TASP1: variants seen among roughly 807,000 people sequenced by gnomAD.
TASP1 encodes taspase 1.
In TASP1, 16 loss-of-function variants were observed where a neutral mutation model predicts 56.6. The observed-to-expected ratio is 0.28, with a 90% CI of 0.19 to 0.43. The LOEUF (loss-of-function observed/expected upper bound fraction) is 0.43. Among genes scored for constraint, TASP1 ranks in the 20% least tolerant of loss-of-function variants. TASP1 has a pLI of 1.00. For missense variants in TASP1, 393 were observed against 511.6 expected (o/e 0.77, Z 2.24); for synonymous variants, 179 against 184.2 (o/e 0.97, Z 0.23).
chr20:13,492,869 C>T (rs56257654), intron 10 of TASP1, among the ~76,000 whole-genome samples: 1 of 152,042 alleles, frequency 6.6e-6, no homozygotes, highest in African/African-American at 2.4e-5. Context: ...TTGATATATG[C>T]GTTAGCATTT....
chr20:13,245,743 T>G, the TASP1 span, among the ~76,000 whole-genome samples: 2 of 152,218 alleles, frequency 1.3e-5, no homozygotes, highest in Non-Finnish European at 2.9e-5. Context: ...ATACTTAGTT[T>G]CATCTTCTAA....
intron 11 of TASP1, among the ~76,000 whole-genome samples, chr20:13,461,728 A>G (rs1261290868): frequency 6.6e-6 from 1 of 152,202 alleles, no homozygotes; most frequent in Non-Finnish European, 1.5e-5. Context: ...CCTGCAGGCC[A>G]TAGTTTGCCA....
chr20:13,298,383 T>C, the TASP1 span, among the ~76,000 whole-genome samples: 1 of 152,228 alleles, frequency 6.6e-6, no homozygotes, highest in African/African-American at 2.4e-5. Context: ...CCCAAAGTGC[T>C]GGGATTACAG....
chr20:13,635,387 CTTT>C (rs34767488), intron 1 of TASP1, among the ~76,000 whole-genome samples: 5 of 129,262 alleles, frequency 3.9e-5, no homozygotes, highest in Admixed American at 7.9e-5. Context: ...TCAGCAATTT[CTTT>C]TTTTTTTTTT....
At chr20:13,121,608 C>A in the TASP1 span, among the ~76,000 whole-genome samples, 1 of 152,122 alleles carries the variant, frequency 6.6e-6, no homozygotes, top group African/African-American at 2.4e-5. Flanking sequence ...AAGACACGAC[C>A]CAGACTCGCC....
intron 12 of TASP1, among the ~76,000 whole-genome samples, chr20:13,431,711 G>A (rs1034964392): frequency 3.9e-5 from 6 of 152,204 alleles, no homozygotes; most frequent in African/African-American, 1.2e-4. Context: ...CAATACGGCA[G>A]TATTAAGATG....
At chr20:13,362,304 G>A in the TASP1 span, among the ~76,000 whole-genome samples, 2 of 151,882 alleles carry the variant, frequency 1.3e-5, no homozygotes, top group Non-Finnish European at 2.9e-5. Flanking sequence ...ATGCCCAGAT[G>A]GCCTGAAGTA....
chr20:13,139,333 T>G, the TASP1 span, among the ~76,000 whole-genome samples: 75,095 of 151,932 alleles, frequency 0.49, 18,688 homozygotes, highest in East Asian at 0.63. Flanking sequence ...ATTAGTTAAG[T>G]TATGTTACTT....
At chr20:13,376,984 T>G in the TASP1 span, among the ~76,000 whole-genome samples, 2 of 152,216 alleles carry the variant, frequency 1.3e-5, no homozygotes, top group African/African-American at 2.4e-5. Context: ...GCTGAGACAA[T>G]GGGGTTTTCT....
chr20:13,325,013 T>C, the TASP1 span, among the ~76,000 whole-genome samples: 1 of 152,226 alleles, frequency 6.6e-6, no homozygotes, highest in African/African-American at 2.4e-5. Context: ...TGCAGCTATT[T>C]CTCTATTGCT....
the TASP1 span, among the ~76,000 whole-genome samples, chr20:13,325,084 A>T: frequency 1.3e-5 from 2 of 152,186 alleles, no homozygotes; most frequent in African/African-American, 4.8e-5. Flanking sequence ...CCAACCAGGG[A>T]GCTCCTGGAT....
In TASP1 at chr20:13,525,782, A is replaced by G. The variant is rs75277840; in HGVS notation, c.874+2651T>C. Reference sequence around the variant, plus strand: ...AGCAACAGCCCCATGAGAAACAAGAATGAGGCAATCACACAAAGTCCAACG... The same window carrying G: ...AGCAACAGCCCCATGAGAAACAAGAGTGAGGCAATCACACAAAGTCCAACG... On this transcript the variant is annotated intron_variant, in intron 10 of 13. Coordinates refer to ENST00000337743, the MANE Select transcript of TASP1 (RefSeq NM_017714.3). Among the ~76,000 whole-genome samples, 1,194 of 152,272 alleles carry G rather than the reference A, an allele frequency of 7.8e-3. 19 individuals carry two copies. Among genetic ancestry groups the G allele is most frequent in the African/African-American group, 0.027 (1,133 of 41,568 alleles).
chr20:13,545,482 T>C (rs1354199691), intron 8 of TASP1, among the ~76,000 whole-genome samples: 8 of 152,166 alleles, frequency 5.3e-5, no homozygotes, highest in Admixed American at 5.2e-4. Flanking sequence ...AGCATGATAT[T>C]CAGGGGGACT....
chr20:13,342,466 A>C, the TASP1 span, among the ~76,000 whole-genome samples: 4 of 152,314 alleles, frequency 2.6e-5, no homozygotes, highest in East Asian at 7.7e-4. Context: ...GCGGCAGCAG[A>C]GACTGTGACA....
the TASP1 span, among the ~76,000 whole-genome samples, chr20:13,201,958 C>T: frequency 1.3e-5 from 2 of 151,932 alleles, no homozygotes; most frequent in African/African-American, 2.4e-5. Flanking sequence ...TTTCACCATG[C>T]TGGCCAGGCT....
chr20:13,343,057 C>T, the TASP1 span, among the ~76,000 whole-genome samples: 2 of 152,158 alleles, frequency 1.3e-5, no homozygotes, highest in Non-Finnish European at 2.9e-5. Flanking sequence ...GGCTCAGAGG[C>T]GGAAGGCTCC....
chr20:13,393,344 G>C (rs2041366387), intron 13 of TASP1: 2 of 754,360 alleles, frequency 2.7e-6, no homozygotes, highest in South Asian at 2.7e-5. Flanking sequence ...TCCCCGAGCT[G>C]AACAGGAAGC....
chr20:13,291,832 A>G, the TASP1 span, among the ~76,000 whole-genome samples: 1 of 152,166 alleles, frequency 6.6e-6, no homozygotes, highest in African/African-American at 2.4e-5. Flanking sequence ...ACCACCTAAC[A>G]CTTCCCACTT....
chr20:13,377,779 A>T, the TASP1 span, among the ~76,000 whole-genome samples: 1 of 152,068 alleles, frequency 6.6e-6, no homozygotes, highest in East Asian at 1.9e-4. Context: ...CAGGGATTTG[A>T]CTTCTTCCTG....
Sources: gnomAD v4.1 joint callset for allele counts (sites outside exome capture counted in the v4.1 genomes callset) on GRCh38, gnomAD v4.1.1 for gene constraint, MANE v1.5 for transcripts, NCBI Gene and HGNC (gene_info 2026-07-23, HGNC 2026-07-21) for gene names.